Variants in SHISA9 observed in about 807,000 individuals in gnomAD.
The protein encoded by SHISA9 is shisa family member 9.
In SHISA9, 13 loss-of-function variants were observed where a neutral mutation model predicts 38.0. That is an observed-to-expected ratio of 0.34 (90% confidence interval 0.22 to 0.54). SHISA9 has a LOEUF of 0.54. SHISA9 is among the 20% of genes least tolerant of loss of function. SHISA9 has a pLI of 0.91. For synonymous variants in SHISA9, 275 were observed against 242.0 expected (o/e 1.14, Z -1.27); for missense variants, 538 against 575.8 (o/e 0.93, Z 0.67).
intron 2 of SHISA9, among the ~76,000 whole-genome samples, chr16:12,927,124 A>G (rs1374951146): frequency 6.6e-6 from 1 of 152,234 alleles, no homozygotes; most frequent in African/African-American, 2.4e-5. Context: ...ATTAAGTAAC[A>G]TTACTAATAT....
chr16:13,430,727 C>T, the SHISA9 span, among the ~76,000 whole-genome samples: 2 of 144,458 alleles, frequency 1.4e-5, no homozygotes, highest in East Asian at 4.2e-4. Flanking sequence ...GCAATATAGC[C>T]AGAACCCATC....
intron 2 of SHISA9, among the ~76,000 whole-genome samples, chr16:13,178,978 G>C (rs905139993): frequency 1.3e-5 from 2 of 152,040 alleles, no homozygotes; most frequent in African/African-American, 4.8e-5. Context: ...CAAAATCATT[G>C]AGTTGTTGAT....
chr16:13,222,761 C>G (rs12930625), intron 4 of SHISA9, among the ~76,000 whole-genome samples: 1 of 151,322 alleles, frequency 6.6e-6, no homozygotes, highest in Admixed American at 6.6e-5. Context: ...TCGTTTACTT[C>G]TACACTGCAC....
At chr16:12,938,731 G>A (rs1049651016) in intron 2 of SHISA9, among the ~76,000 whole-genome samples, 1 of 151,944 alleles carries the variant, frequency 6.6e-6, no homozygotes, top group Non-Finnish European at 1.5e-5. Context: ...TTGAACTCCT[G>A]ACCTCAGGTG....
intron 2 of SHISA9, among the ~76,000 whole-genome samples, chr16:13,009,730 AG>A (rs1436933894): frequency 9.2e-5 from 14 of 152,344 alleles, no homozygotes; most frequent in African/African-American, 3.4e-4. Context: ...AATGCCTGCA[AG>A]GGCCAAGCAG....
At position 12,999,387 on chromosome 16, in the gene SHISA9, T is replaced by C. The variant is rs193063881; in HGVS notation, c.691+82572T>C. Among the ~76,000 whole-genome samples, 385 of 150,494 alleles carry C rather than the reference T, an allele frequency of 2.6e-3. 2 individuals carry two copies. Among genetic ancestry groups the C allele is most frequent in the Non-Finnish European group, 3.7e-3 (248 of 67,102 alleles). ...AATGGGCGCGTTGTGTGGTTCAGAC[T>C]TTTTTCAGACTGCTCTGCACATGTT... On this transcript the variant is annotated intron_variant, in intron 2 of 4. Coordinates refer to ENST00000558583, the MANE Select transcript of SHISA9 (RefSeq NM_001145204.3).
the SHISA9 span, among the ~76,000 whole-genome samples, chr16:13,530,672 GC>G: frequency 2.0e-5 from 3 of 151,544 alleles, no homozygotes; most frequent in Non-Finnish European, 4.4e-5. Context: ...CCTTGTTTTT[GC>G]CCCCCCAGAA....
chr16:13,196,930 C>T (rs992543609), intron 2 of SHISA9, among the ~76,000 whole-genome samples: 1 of 152,158 alleles, frequency 6.6e-6, no homozygotes, highest in Admixed American at 6.5e-5. Context: ...CATATCTCCA[C>T]TAAAAATACA....
intron 3 of SHISA9, among the ~76,000 whole-genome samples, chr16:13,212,492 A>G (rs1192698500): frequency 4.6e-5 from 7 of 152,230 alleles, no homozygotes. Flanking sequence ...GACATCTGAA[A>G]GGGAATTCAA....
At chr16:13,383,799 G>A in the SHISA9 span, among the ~76,000 whole-genome samples, 3 of 152,102 alleles carry the variant, frequency 2.0e-5, no homozygotes, top group Non-Finnish European at 4.4e-5. Context: ...ATAGGCGCGA[G>A]CCACTATGCC....
the SHISA9 span, among the ~76,000 whole-genome samples, chr16:13,251,509 C>T: frequency 2.6e-5 from 4 of 152,012 alleles, no homozygotes; most frequent in Admixed American, 6.6e-5. Context: ...CTAATGGTTG[C>T]GGGGAGAGGG....
chr16:13,289,741 G>T, the SHISA9 span, among the ~76,000 whole-genome samples: 1 of 152,036 alleles, frequency 6.6e-6, no homozygotes, highest in African/African-American at 2.4e-5. Flanking sequence ...ATTTCTGGGA[G>T]CATTGAGTTT....
chr16:13,430,921 G>GAAAA, the SHISA9 span, among the ~76,000 whole-genome samples: 5 of 144,192 alleles, frequency 3.5e-5, no homozygotes, highest in Non-Finnish European at 3.0e-5. Context: ...TCTGTTTCTA[G>GAAAA]AAAAAAAAAA....
intron 4 of SHISA9, among the ~76,000 whole-genome samples, chr16:13,233,316 A>G (rs1349291439): frequency 6.6e-6 from 1 of 151,954 alleles, no homozygotes; most frequent in African/African-American, 2.4e-5. Flanking sequence ...GGAAGAAGGA[A>G]GGAAGGAAGG....
At chr16:12,964,600 T>C (rs1386952209) in intron 2 of SHISA9, among the ~76,000 whole-genome samples, 1 of 152,136 alleles carries the variant, frequency 6.6e-6, no homozygotes, top group Non-Finnish European at 1.5e-5. Context: ...AAGTCTGATG[T>C]TGTGGCTTGG....
At chr16:13,052,551 A>T (rs2073264826) in intron 2 of SHISA9, among the ~76,000 whole-genome samples, 1 of 152,228 alleles carries the variant, frequency 6.6e-6, no homozygotes, top group South Asian at 2.1e-4. Flanking sequence ...GAAATAATTG[A>T]GTCTTGAACC....
At chr16:13,553,295 CAT>C in the SHISA9 span, among the ~76,000 whole-genome samples, 2 of 152,224 alleles carry the variant, frequency 1.3e-5, no homozygotes, top group African/African-American at 2.4e-5. Context: ...TAAGATGACA[CAT>C]ATTTTTCCAC....
chr16:13,508,723 C>T, the SHISA9 span, among the ~76,000 whole-genome samples: 1 of 152,180 alleles, frequency 6.6e-6, no homozygotes, highest in Non-Finnish European at 1.5e-5. Context: ...AGAAGAGACT[C>T]AGAAATGTGG....
chr16:13,101,252 T>A (rs2073876407), intron 2 of SHISA9, among the ~76,000 whole-genome samples: 1 of 152,226 alleles, frequency 6.6e-6, no homozygotes, highest in Non-Finnish European at 1.5e-5. Flanking sequence ...AGATGGTAGG[T>A]GTTAAGTGTT....
Sources: allele counts gnomAD v4.1 joint callset (sites outside exome capture counted in the v4.1 genomes callset), GRCh38; gene constraint gnomAD v4.1.1; transcripts MANE v1.5; gene names NCBI Gene and HGNC (gene_info 2026-07-23, HGNC 2026-07-21).